The following WDPCP variants were observed in gnomAD, a reference collection of about 807,000 sequenced individuals.
WDPCP encodes WD repeat-containing and planar cell polarity effector protein fritz homolog.
Under a neutral mutation model 93.1 loss-of-function variants are expected in WDPCP, and 71 were observed. The observed-to-expected ratio is 0.76, with a 90% confidence interval of 0.63 to 0.93. The LOEUF (loss-of-function observed/expected upper bound fraction) is 0.93. WDPCP is among the 40% of genes least tolerant of loss of function. The pLI is 0.00. For synonymous variants in WDPCP, 315 were observed against 315.0 expected (o/e 1.00, Z 0.00); for missense variants, 844 against 887.4 (o/e 0.95, Z 0.62).
chr2:63,484,885 T>C, intron 5 of WDPCP, 32 bp downstream of exon 5: 1 of 1,608,340 alleles, frequency 6.2e-7, no homozygotes, highest in Non-Finnish European at 8.5e-7. Context: ...CAGATTTGTT[T>C]GTTGCCATTT....
At position 63,808,461 on chromosome 2, in the gene WDPCP, C is replaced by G. The variant is rs558586290; in HGVS notation, n.308+5161G>C. On this transcript the variant is annotated intron_variant and non_coding_transcript_variant, in intron 2 of 4. Transcript: ENST00000467687. Reference sequence around the variant, plus strand: ...TCCCTGCCTGATTCTCCTGCCTCAGCCTGCCGAATGCCTGCGATTGCGGGC... The same window carrying G: ...TCCCTGCCTGATTCTCCTGCCTCAGGCTGCCGAATGCCTGCGATTGCGGGC... Among the ~76,000 whole-genome samples the G allele has an allele frequency of 1.8e-3, 268 of 152,276 alleles. 1 individual carries two copies. The highest frequency in any genetic ancestry group is 6.4e-3 in the African/African-American group (265 of 41,572).
At chr2:63,142,059 G>GT (rs1671099340) in intron 17 of WDPCP, among the ~76,000 whole-genome samples, 1 of 152,050 alleles carries the variant, frequency 6.6e-6, no homozygotes, top group Non-Finnish European at 1.5e-5. Context: ...TGATCTATCA[G>GT]TTTTATTTAT....
intron 9 of WDPCP, among the ~76,000 whole-genome samples, chr2:63,414,254 T>C (rs944112454): frequency 3.1e-4 from 47 of 152,300 alleles, no homozygotes; most frequent in Admixed American, 1.4e-3. Context: ...ACAGCCACTA[T>C]GGAAAACAGT....
intron 7 of WDPCP, among the ~76,000 whole-genome samples, chr2:63,438,981 C>T (rs1179813640): frequency 1.3e-5 from 2 of 152,022 alleles, no homozygotes; most frequent in African/African-American, 2.4e-5. Flanking sequence ...CTTCACAGCC[C>T]GAACCTGTAT....
chr2:63,349,055 T>C (rs1344387414), intron 12 of WDPCP, among the ~76,000 whole-genome samples: 1 of 152,136 alleles, frequency 6.6e-6, no homozygotes, highest in African/African-American at 2.4e-5. Flanking sequence ...GTAGGAGAGG[T>C]CTGTGTGCCT....
chr2:63,713,586 A>G lies in WDPCP; in HGVS notation n.309-62748T>C, dbSNP rs921792641. On this transcript the variant is annotated intron_variant and non_coding_transcript_variant, in intron 2 of 4. Transcript: ENST00000467687. ...ACCAATTTACCCATAACAGAGTAGCAGTTTCTGGAAAATAGGTAGATGTCT... is the reference window on the plus strand; with the variant it reads ...ACCAATTTACCCATAACAGAGTAGCGGTTTCTGGAAAATAGGTAGATGTCT... Among the ~76,000 whole-genome samples, 3 of 152,244 alleles carry G rather than the reference A, an allele frequency of 2.0e-5. No homozygotes were observed. In the South Asian group the frequency reaches 6.2e-4, roughly 31 times the overall value.
chr2:63,174,846 T>A lies in WDPCP; in HGVS notation c.1916-14A>T, dbSNP rs1198215632. The A allele has an allele frequency of 1.9e-6, 3 of 1,612,654 alleles. No individual in the cohort carries two copies. In the Admixed American group the frequency reaches 5.0e-5, roughly 27 times the overall value. On this transcript the variant is annotated splice_polypyrimidine_tract_variant and intron_variant, in intron 14 of 17. Transcript: ENST00000272321. The stretch of plus-strand genomic sequence containing the variant: ...GTCCCAGGAGTTCTGTTGAAAATGA[T>A]TAATATGTGAGTGAAATACTAAGTA...
At chr2:63,214,076 T>G (rs893472684) in intron 14 of WDPCP, among the ~76,000 whole-genome samples, 5 of 152,196 alleles carry the variant, frequency 3.3e-5, no homozygotes, top group Non-Finnish European at 5.9e-5. Context: ...CTTCTGAAAC[T>G]GTTCCAGTCA....
chr2:63,511,370 T>G (rs1702222164), intron 1 of WDPCP, among the ~76,000 whole-genome samples: 1 of 152,194 alleles, frequency 6.6e-6, no homozygotes, highest in Non-Finnish European at 1.5e-5. Context: ...TACCATTGAC[T>G]TTCTTCACAG....
At chr2:63,714,014 T>C (rs1461861729) in intron 2 of WDPCP, among the ~76,000 whole-genome samples, 1 of 152,120 alleles carries the variant, frequency 6.6e-6, no homozygotes, top group Non-Finnish European at 1.5e-5. Context: ...GACAGTCAGC[T>C]AAAATATCTT....
the WDPCP span, among the ~76,000 whole-genome samples, chr2:63,839,053 G>A: frequency 6.6e-6 from 1 of 152,178 alleles, no homozygotes; most frequent in Non-Finnish European, 1.5e-5. Flanking sequence ...CCCTGAAGAT[G>A]GGTAGTTAGT....
intron 2 of WDPCP, among the ~76,000 whole-genome samples, chr2:63,719,016 G>C (rs1669377323): frequency 2.0e-5 from 3 of 152,120 alleles, no homozygotes; most frequent in African/African-American, 7.2e-5. Flanking sequence ...CTTAAAAGAA[G>C]ATATGGAAAA....
At chr2:63,503,070 A>T (rs1701653258) in intron 1 of WDPCP, among the ~76,000 whole-genome samples, 1 of 152,222 alleles carries the variant, frequency 6.6e-6, no homozygotes, top group South Asian at 2.1e-4. Flanking sequence ...AATCTTTTAA[A>T]ATCTTTTGTT....
chr2:63,734,327 G>A (rs1669607422), intron 2 of WDPCP, among the ~76,000 whole-genome samples: 1 of 151,964 alleles, frequency 6.6e-6, no homozygotes, highest in South Asian at 2.1e-4. Flanking sequence ...GCCTAGAAAT[G>A]AATAAAGTGG....
At chr2:63,226,206 G>A (rs1293557305) in intron 14 of WDPCP, among the ~76,000 whole-genome samples, 3 of 151,738 alleles carry the variant, frequency 2.0e-5, no homozygotes, top group African/African-American at 7.2e-5. Context: ...TTACTAGAAT[G>A]GTTTGGTCAA....
chr2:63,685,849 C>CA (rs1026179877), intron 2 of WDPCP, among the ~76,000 whole-genome samples: 1 of 151,952 alleles, frequency 6.6e-6, no homozygotes, highest in Admixed American at 6.6e-5. Context: ...GAATGAAGGA[C>CA]AAAAAACATA....
chr2:63,440,013 T>C (rs1697400176), intron 6 of WDPCP, 142 bp from the exon 7 acceptor site: 2 of 636,340 alleles, frequency 3.1e-6, no homozygotes, highest in Non-Finnish European at 5.6e-6. Context: ...TTTTCTTCAC[T>C]GAAAAACAAT....
intron 13 of WDPCP, among the ~76,000 whole-genome samples, chr2:63,280,163 T>C (rs1057211096): frequency 2.0e-5 from 3 of 152,140 alleles, no homozygotes; most frequent in Admixed American, 6.6e-5. Flanking sequence ...ATTAGTTCAT[T>C]TGCATGCTGC....
intron 1 of WDPCP, among the ~76,000 whole-genome samples, chr2:63,575,261 T>C (rs1209577069): frequency 6.7e-6 from 1 of 149,970 alleles, no homozygotes; most frequent in Admixed American, 6.7e-5. Context: ...TATGTCTCTC[T>C]ATACATAATA....
Sources: gnomAD v4.1 joint callset for allele counts (sites outside exome capture counted in the v4.1 genomes callset) on GRCh38, gnomAD v4.1.1 for gene constraint, MANE v1.5 for transcripts, NCBI Gene and HGNC (gene_info 2026-07-23, HGNC 2026-07-21) for gene names.